Variants in COL21A1 observed in about 807,000 individuals in gnomAD.
COL21A1 encodes collagen type XXI alpha 1 chain.
A neutral mutation model predicts 137.9 loss-of-function variants in COL21A1; 149 were observed. The observed-to-expected ratio is 1.08, with a 90% CI of 0.95 to 1.24. The LOEUF (loss-of-function observed/expected upper bound fraction) is 1.24, where lower values mean the gene tolerates loss of function less well. Among genes scored for constraint, COL21A1 ranks in the 50% most tolerant of loss-of-function variants. The pLI is 0.00. For missense variants in COL21A1, 1,167 were observed against 1,158.4 expected, an observed-to-expected ratio of 1.01 and a Z score of -0.11; for synonymous variants, 456 against 391.5, an observed-to-expected ratio of 1.16 and a Z score of -1.95.
At chr6:56,214,978 TC>T (rs1294812743) in intron 1 of COL21A1, among the ~76,000 whole-genome samples, 1 of 152,096 alleles carries the variant, frequency 6.6e-6, no homozygotes, top group Non-Finnish European at 1.5e-5. Context: ...AAACGTCCAG[TC>T]ACATAACCTT....
rs573195662 is a variant in COL21A1, at chr6:56,202,269, A to G, written c.-38-19613T>C. ...TGTCAATTAATTAATAAAACTGTGT[A>G]TTGTTTTTCTGGAGGAAAAAGGGAA... On this transcript the variant is annotated intron_variant, in intron 1 of 29. Coordinates refer to ENST00000244728, the MANE Select transcript of COL21A1 (RefSeq NM_030820.4). Among the ~76,000 whole-genome samples the G allele has an allele frequency of 3.5e-4, 54 of 152,162 alleles. 1 individual carries two copies. Among genetic ancestry groups the G allele is most frequent in the Non-Finnish European group, 5.0e-4 (34 of 68,002 alleles).
intron 3 of COL21A1, among the ~76,000 whole-genome samples, chr6:56,175,053 A>T (rs1051262760): frequency 1.3e-5 from 2 of 152,126 alleles, no homozygotes; most frequent in African/African-American, 4.8e-5. Flanking sequence ...TAACATGATC[A>T]TCTCAATGGA....
At chr6:56,189,696 A>C (rs9475598) in intron 1 of COL21A1, among the ~76,000 whole-genome samples, 3,286 of 152,296 alleles carry the variant, frequency 0.022, 119 homozygotes, top group African/African-American at 0.075. Context: ...AATGAAGAAA[A>C]AAATGTTAAG....
At chr6:56,354,408 T>G (rs929777884) in intron 1 of COL21A1, among the ~76,000 whole-genome samples, 2 of 152,166 alleles carry the variant, frequency 1.3e-5, no homozygotes, top group Non-Finnish European at 2.9e-5. Flanking sequence ...AATCAACCCA[T>G]GCATTTATAT....
At chr6:56,221,519 T>C (rs1391793586) in intron 1 of COL21A1, among the ~76,000 whole-genome samples, 1 of 152,014 alleles carries the variant, frequency 6.6e-6, no homozygotes, top group African/African-American at 2.4e-5. Flanking sequence ...GCCTACAAGT[T>C]TTAAAACAGT....
At chr6:56,210,139 G>A (rs1343140228) in intron 1 of COL21A1, among the ~76,000 whole-genome samples, 3 of 152,082 alleles carry the variant, frequency 2.0e-5, no homozygotes, top group Non-Finnish European at 4.4e-5. Flanking sequence ...GTAGCATTAG[G>A]AGGAATACCT....
chr6:56,151,087 G>C (rs1333348121), intron 10 of COL21A1, among the ~76,000 whole-genome samples: 1 of 151,930 alleles, frequency 6.6e-6, no homozygotes, highest in Non-Finnish European at 1.5e-5. Context: ...TTGACCGGGC[G>C]TGGTGGCAGG....
At chr6:56,156,973 T>C in intron 9 of COL21A1, 24 bp from the exon 10 acceptor site, 1 of 1,591,964 alleles carries the variant, frequency 6.3e-7, no homozygotes, top group South Asian at 1.1e-5. Flanking sequence ...AAACAAACTT[T>C]TGAGTACAAA....
intron 3 of COL21A1, among the ~76,000 whole-genome samples, chr6:56,175,371 CAT>C (rs79220819): frequency 0.072 from 10,923 of 151,886 alleles, 433 homozygotes; most frequent in Middle Eastern, 0.12. Flanking sequence ...TGATCATAAA[CAT>C]AGAAAACCCT....
At chr6:56,098,689 A>G (rs1770101087) in intron 17 of COL21A1, among the ~76,000 whole-genome samples, 1 of 86,244 alleles carries the variant, frequency 1.2e-5, no homozygotes, top group African/African-American at 5.0e-5. Flanking sequence ...ATATATATAA[A>G]TATATAAATA....
intron 17 of COL21A1, among the ~76,000 whole-genome samples, chr6:56,097,037 G>A (rs899347396): frequency 6.6e-6 from 1 of 151,776 alleles, no homozygotes; most frequent in Non-Finnish European, 1.5e-5. Context: ...AGCTTGTTAC[G>A]CTATCTGTTC....
At chr6:56,358,181 G>A (rs936400793) in intron 1 of COL21A1, among the ~76,000 whole-genome samples, 1 of 151,944 alleles carries the variant, frequency 6.6e-6, no homozygotes, top group African/African-American at 2.4e-5. Flanking sequence ...TAGGTTTCAG[G>A]GAATGCAATA....
chr6:56,307,766 C>T (rs1205868449), intron 1 of COL21A1, among the ~76,000 whole-genome samples: 1 of 152,172 alleles, frequency 6.6e-6, no homozygotes, highest in Non-Finnish European at 1.5e-5. Flanking sequence ...GTGAGATGAA[C>T]CCGGTACCTC....
intron 1 of COL21A1, among the ~76,000 whole-genome samples, chr6:56,301,011 C>T (rs1349848916): frequency 1.3e-5 from 2 of 152,082 alleles, no homozygotes; most frequent in Non-Finnish European, 2.9e-5. Flanking sequence ...ATCATTCAGA[C>T]CCAATTGTTA....
intron 1 of COL21A1, among the ~76,000 whole-genome samples, chr6:56,296,671 C>T (rs774503956): frequency 5.3e-5 from 8 of 151,886 alleles, no homozygotes; most frequent in Non-Finnish European, 1.0e-4. Flanking sequence ...TTATAGTGAA[C>T]CAACATGTCA....
chr6:56,352,039 CA>C (rs1210089288), intron 1 of COL21A1, among the ~76,000 whole-genome samples: 1 of 152,052 alleles, frequency 6.6e-6, no homozygotes, highest in African/African-American at 2.4e-5. Flanking sequence ...GAGGCTGAGG[CA>C]GAAAGATCAT....
intron 1 of COL21A1, among the ~76,000 whole-genome samples, chr6:56,334,409 T>C (rs1357412473): frequency 6.6e-6 from 1 of 152,150 alleles, no homozygotes; most frequent in East Asian, 1.9e-4. Flanking sequence ...TTGCACACTT[T>C]AGCTTAGTAT....
intron 1 of COL21A1, among the ~76,000 whole-genome samples, chr6:56,361,751 C>T (rs989662677): frequency 6.6e-6 from 1 of 151,646 alleles, no homozygotes; most frequent in Non-Finnish European, 1.5e-5. Context: ...GTGATGGCTG[C>T]GTATGTGCGT....
intron 1 of COL21A1, among the ~76,000 whole-genome samples, chr6:56,283,968 A>G (rs940723719): frequency 4.6e-5 from 7 of 152,090 alleles, no homozygotes; most frequent in Non-Finnish European, 1.0e-4. Flanking sequence ...AAGCCAACCA[A>G]TTACTTGGGG....
Sources: allele counts gnomAD v4.1 joint callset (sites outside exome capture counted in the v4.1 genomes callset), GRCh38; gene constraint gnomAD v4.1.1; transcripts MANE v1.5; gene names NCBI Gene and HGNC (gene_info 2026-07-23, HGNC 2026-07-21).